The following C4orf51 variants were observed in gnomAD, a reference collection of about 807,000 sequenced individuals.
The protein encoded by C4orf51 is uncharacterized protein C4orf51.
C4orf51 carries 25 observed loss-of-function variants against 25.2 expected under a neutral mutation model. That is an observed-to-expected ratio of 0.99 (90% CI 0.72 to 1.39). C4orf51 has a LOEUF of 1.39. Among genes scored for constraint, C4orf51 ranks in the 40% most tolerant of loss-of-function variants. C4orf51 has a pLI of 0.00. For synonymous variants in C4orf51, 100 were observed against 84.5 expected (o/e 1.18, Z -1.01); for missense variants, 252 against 239.6 (o/e 1.05, Z -0.34).
chr4:145,756,468 TGAACAGTTCTGTTTCCA>T (rs1412963950), downstream of C4orf51, among the ~76,000 whole-genome samples: 1 of 152,230 alleles, frequency 6.6e-6, no homozygotes, highest in African/African-American at 2.4e-5. Context: ...TGTTCTGTCA[TGAACAGTTCTGTTTCCA>T]GACCATTTCT....
In C4orf51 at chr4:145,696,560, A is replaced by T; in HGVS notation, c.235A>T (p.Met79Leu). 1 of 1,612,658 alleles carries T rather than the reference A, an allele frequency of 6.2e-7. No individual in the cohort carries two copies. Among genetic ancestry groups the T allele is most frequent in the South Asian group, 1.1e-5 (1 of 91,020 alleles). The change falls in exon 2 of 6, where the codon ATG becomes TTG. Residue 79 changes from methionine (M) to leucine (L), a missense_variant and splice_region_variant. By Grantham distance (15) the Met-to-Leu change is conservative. Transcript: ENST00000438731. ...GTTTCTTCTACTTGCTTTCCTTAGGATGTCATTGACAAACAGTTCTGCCTG... is the reference window on the plus strand; with the variant it reads ...GTTTCTTCTACTTGCTTTCCTTAGGTTGTCATTGACAAACAGTTCTGCCTG... ...AGQHEPECKQ[M>L]SLTNSSACHL...
At chr4:145,759,255 A>T (rs1206701804), downstream of C4orf51, 1 of 152,230 alleles carries the variant, frequency 6.6e-6, no homozygotes, top group Non-Finnish European at 1.5e-5. Context: ...AATACAAGCA[A>T]TGAACATATT....
intron 1 of C4orf51, among the ~76,000 whole-genome samples, chr4:145,693,194 T>C (rs1729727727): frequency 6.7e-6 from 1 of 149,696 alleles, no homozygotes; most frequent in African/African-American, 2.5e-5. Flanking sequence ...CCGCAGTGTT[T>C]GTGTCCCTGA....
chr4:145,774,751 A>AGTGTC, downstream of C4orf51: 1 of 1,456,348 alleles, frequency 6.9e-7, no homozygotes. Context: ...CCATTTATAC[A>AGTGTC]CAGTACACTC....
intron 2 of C4orf51, among the ~76,000 whole-genome samples, chr4:145,711,016 T>TA (rs1418000335): frequency 6.6e-6 from 1 of 152,202 alleles, no homozygotes; most frequent in African/African-American, 2.4e-5. Flanking sequence ...AATTTATAAG[T>TA]AACTAGAATT....
chr4:145,737,931 G>A (rs1325614684), intron 1 of C4orf51, among the ~76,000 whole-genome samples: 1 of 152,132 alleles, frequency 6.6e-6, no homozygotes, highest in Non-Finnish European at 1.5e-5. Flanking sequence ...TCTAAAATAT[G>A]GGGTGGAAAC....
chr4:145,692,327 TTC>T (rs952495603), intron 1 of C4orf51, among the ~76,000 whole-genome samples: 1 of 152,192 alleles, frequency 6.6e-6, no homozygotes, highest in Admixed American at 6.5e-5. Flanking sequence ...TGCTGTATAA[TTC>T]TGTTTATATA....
intron 3 of C4orf51, among the ~76,000 whole-genome samples, chr4:145,728,839 T>C (rs1253508333): frequency 6.6e-6 from 1 of 152,220 alleles, no homozygotes; most frequent in Admixed American, 6.5e-5. Flanking sequence ...TTGTATATGG[T>C]ATTTTCATAT....
At chr4:145,750,907 C>T (rs1422570929) in intron 1 of C4orf51, among the ~76,000 whole-genome samples, 1 of 152,138 alleles carries the variant, frequency 6.6e-6, no homozygotes, top group East Asian at 1.9e-4. Context: ...ATTCCTTCTG[C>T]TTGATCAATT....
At position 145,751,889 on chromosome 4, in the gene C4orf51, C is replaced by CA. The variant is rs533514726; in HGVS notation, n.168-2317dup. 3.1e-3 allele frequency among the ~76,000 whole-genome samples: 478 copies of CA among 152,318 alleles called. 6 individuals carry two copies. The highest frequency in any genetic ancestry group is 0.011 in the African/African-American group (465 of 41,580). On this transcript the variant is annotated intron_variant and non_coding_transcript_variant, in intron 1 of 1. Coordinates refer to the C4orf51 transcript ENST00000508981. Reference sequence around the variant, plus strand: ...TTCCCACTTTTCCTTTCCCTTTGCACAGGCAGGGGTGCCTCTCTCCATAGC... The same window carrying CA: ...TTCCCACTTTTCCTTTCCCTTTGCACAAGGCAGGGGTGCCTCTCTCCATAGC...
At chr4:145,712,298 T>G (rs995683284) in intron 2 of C4orf51, among the ~76,000 whole-genome samples, 1 of 152,222 alleles carries the variant, frequency 6.6e-6, no homozygotes, top group African/African-American at 2.4e-5. Context: ...GAGGGCATAT[T>G]GAAAGCCAAG....
At chr4:145,767,468 A>G (rs1168452173) in intron 1 of C4orf51, among the ~76,000 whole-genome samples, 1 of 152,132 alleles carries the variant, frequency 6.6e-6, no homozygotes, top group Non-Finnish European at 1.5e-5. Flanking sequence ...ATGGCCAAAA[A>G]TTTTCCAAAT....
intron 1 of C4orf51, among the ~76,000 whole-genome samples, chr4:145,687,840 G>A (rs1191641011): frequency 1.3e-5 from 2 of 152,022 alleles, no homozygotes; most frequent in African/African-American, 4.8e-5. Flanking sequence ...ACAGGTGGGA[G>A]GGAGAGCAGA....
chr4:145,734,262 C>T (rs938047816), downstream of C4orf51, among the ~76,000 whole-genome samples: 10 of 152,252 alleles, frequency 6.6e-5, no homozygotes, highest in South Asian at 2.1e-4. Context: ...AAAAGGGAAC[C>T]GGCAGGTTCA....
chr4:145,725,258 A>T (rs921295647), intron 2 of C4orf51, among the ~76,000 whole-genome samples: 2 of 152,234 alleles, frequency 1.3e-5, no homozygotes, highest in Non-Finnish European at 2.9e-5. Context: ...CACATCCATT[A>T]GAATGGCTAT....
the C4orf51 span, among the ~76,000 whole-genome samples, chr4:145,791,755 C>G: frequency 1.3e-5 from 2 of 152,186 alleles, no homozygotes; most frequent in Admixed American, 1.3e-4. Context: ...GCTAAGGCTA[C>G]AGGTTTTACT....
intron 1 of C4orf51, among the ~76,000 whole-genome samples, chr4:145,746,654 C>G (rs1336154410): frequency 6.6e-6 from 1 of 152,004 alleles, no homozygotes; most frequent in African/African-American, 2.4e-5. Flanking sequence ...TGTAATTCCT[C>G]TAGTTTTGTT....
intron 1 of C4orf51, among the ~76,000 whole-genome samples, chr4:145,747,575 T>C (rs920363024): frequency 1.3e-5 from 2 of 152,134 alleles, no homozygotes; most frequent in Admixed American, 1.3e-4. Flanking sequence ...GAATAATCCT[T>C]TTAATGTGTC....
At chr4:145,738,931 G>A (rs1482003797) in intron 1 of C4orf51, among the ~76,000 whole-genome samples, 1 of 152,174 alleles carries the variant, frequency 6.6e-6, no homozygotes, top group Non-Finnish European at 1.5e-5. Context: ...ATGAGCCACT[G>A]CACCTGGCCA....
Sources: allele counts gnomAD v4.1 joint callset (sites outside exome capture counted in the v4.1 genomes callset), GRCh38; gene constraint gnomAD v4.1.1; transcripts MANE v1.5; gene names NCBI Gene and HGNC (gene_info 2026-07-23, HGNC 2026-07-21).